Variants in SYBU observed in about 807,000 individuals in gnomAD.
SYBU encodes GOLSYN A protein.
SYBU carries 21 observed loss-of-function variants against 35.9 expected under a neutral mutation model. The observed-to-expected ratio is 0.58, with a 90% CI of 0.41 to 0.84. SYBU has a LOEUF of 0.84. SYBU is among the 40% of genes least tolerant of loss of function. The pLI is 0.00. For missense variants in SYBU, 768 were observed against 848.2 expected (o/e 0.91, Z 1.17); for synonymous variants, 319 against 324.3 (o/e 0.98, Z 0.18).
chr8:109,648,080 G>A (rs555374979), upstream of SYBU: 5 of 151,834 alleles, frequency 3.3e-5, no homozygotes, highest in Non-Finnish European at 5.9e-5. Context: ...TCTTTCCCCT[G>A]CTTTAAAATA....
intron 1 of SYBU, among the ~76,000 whole-genome samples, chr8:109,688,290 T>TA (rs1397875023): frequency 6.6e-6 from 1 of 152,202 alleles, no homozygotes; most frequent in Non-Finnish European, 1.5e-5. Flanking sequence ...TCAGAGATGA[T>TA]AAAAATTGTG....
upstream of SYBU, chr8:109,648,992 CTTTTTTTTTTTTTTTT>C (rs5893961): frequency 2.3e-5 from 2 of 85,202 alleles, no homozygotes; most frequent in African/African-American, 5.6e-5. Flanking sequence ...AACCCTCCTC[CTTTTTTTTTTTTTTTT>C]TTTTTTTTTT....
At chr8:109,653,167 T>G (rs1463908177) in intron 1 of SYBU, among the ~76,000 whole-genome samples, 2 of 152,234 alleles carry the variant, frequency 1.3e-5, no homozygotes, top group African/African-American at 4.8e-5. Flanking sequence ...CACTACATTA[T>G]GTATTCCTAG....
chr8:109,638,054 T>A (rs1216465301), intron 2 of SYBU, among the ~76,000 whole-genome samples: 1 of 152,206 alleles, frequency 6.6e-6, no homozygotes, highest in Admixed American at 6.5e-5. Flanking sequence ...TGTGTGCACA[T>A]TAGAAACATG....
At chr8:109,618,414 A>T (rs552137698) in intron 3 of SYBU, among the ~76,000 whole-genome samples, 18 of 152,200 alleles carry the variant, frequency 1.2e-4, no homozygotes, top group Non-Finnish European at 2.5e-4. Context: ...GCCCAGCTCT[A>T]CATATTTGCA....
upstream of SYBU, among the ~76,000 whole-genome samples, chr8:109,681,474 C>T (rs2130784162): frequency 6.6e-6 from 1 of 152,106 alleles, no homozygotes; most frequent in Middle Eastern, 3.4e-3. Flanking sequence ...TTTCATTGTA[C>T]AGAGGGAATG....
chr8:109,626,333 C>T (rs1321420032), intron 2 of SYBU, among the ~76,000 whole-genome samples: 1 of 152,086 alleles, frequency 6.6e-6, no homozygotes, highest in East Asian at 1.9e-4. Context: ...TTTGCCTGTA[C>T]TTTCTCCTAG....
intron 3 of SYBU, among the ~76,000 whole-genome samples, chr8:109,610,214 T>A (rs367958514): frequency 6.6e-6 from 1 of 152,150 alleles, no homozygotes; most frequent in African/African-American, 2.4e-5. Context: ...CTTGTCACCA[T>A]CTGAACTTAT....
chr8:109,671,308 ATAAGCTTCTTATTCAT>A lies in SYBU; in HGVS notation c.-129+9387_-129+9402del, dbSNP rs1468961057. On this transcript the variant is annotated intron_variant, in intron 1 of 5. Coordinates refer to the SYBU transcript ENST00000408889. ...GGAAGGCTATTTGAGTGCATATTTC[ATAAGCTTCTTATTCAT>A]TATTCATGCCATTAGAGATAGAAGG... Among the ~76,000 whole-genome samples, 606 of 152,228 alleles carry A rather than the reference ATAAGCTTCTTATTCAT, an allele frequency of 4.0e-3. 6 individuals carry two copies. The highest frequency in any genetic ancestry group is 0.014 in the African/African-American group (589 of 41,540).
chr8:109,623,034 C>A (rs943931388), intron 2 of SYBU, among the ~76,000 whole-genome samples: 3 of 79,164 alleles, frequency 3.8e-5, no homozygotes, highest in African/African-American at 1.8e-4. Flanking sequence ...CGCGCGCGCA[C>A]ACACACACAC....
At chr8:109,577,456 ATCC>A (rs1822466514) in intron 6 of SYBU, among the ~76,000 whole-genome samples, 1 of 151,974 alleles carries the variant, frequency 6.6e-6, no homozygotes, top group African/African-American at 2.4e-5. Flanking sequence ...GCACACAGAT[ATCC>A]ATTCATGCAC....
intron 1 of SYBU, among the ~76,000 whole-genome samples, chr8:109,654,997 T>C (rs1340458487): frequency 6.6e-6 from 1 of 152,218 alleles, no homozygotes; most frequent in African/African-American, 2.4e-5. Flanking sequence ...ATAGTCTCTT[T>C]AAAGTGCAGA....
intron 2 of SYBU, among the ~76,000 whole-genome samples, chr8:109,620,546 G>C (rs1812297798): frequency 6.6e-6 from 1 of 152,050 alleles, no homozygotes; most frequent in African/African-American, 2.4e-5. Context: ...AGTGAACTTG[G>C]CACTAATAAA....
chr8:109,640,866 A>T (rs1305220992), intron 2 of SYBU, among the ~76,000 whole-genome samples: 1 of 151,896 alleles, frequency 6.6e-6, no homozygotes, highest in Non-Finnish European at 1.5e-5. Context: ...TCCAACATAC[A>T]ACTTATGCAG....
At chr8:109,648,259 A>AATAATATATATAT (rs1351361961), upstream of SYBU, among the ~76,000 whole-genome samples, 1 of 129,748 alleles carries the variant, frequency 7.7e-6, no homozygotes, top group Admixed American at 7.2e-5. Flanking sequence ...ATATATATAC[A>AATAATATATATAT]ATAATATATA....
At chr8:109,576,173 G>A (rs578214727) in intron 6 of SYBU, among the ~76,000 whole-genome samples, 160 bp from the exon 7 acceptor site, 63 of 151,956 alleles carry the variant, frequency 4.1e-4, no homozygotes, top group Non-Finnish European at 7.2e-4. Context: ...TCAATGCAGG[G>A]AACTCAAGAG....
chr8:109,689,406 C>G (rs554725217), intron 1 of SYBU, among the ~76,000 whole-genome samples: 1 of 152,074 alleles, frequency 6.6e-6, no homozygotes. Context: ...ATCACAGCTC[C>G]CTGCACCCTG....
chr8:109,606,236 A>G (rs1454090700), intron 3 of SYBU, among the ~76,000 whole-genome samples: 1 of 152,200 alleles, frequency 6.6e-6, no homozygotes, highest in Non-Finnish European at 1.5e-5. Context: ...AGAATTGTTC[A>G]AGCTATTAGC....
At chr8:109,645,488 C>G (rs898159894), upstream of SYBU, 6 of 367,080 alleles carry the variant, frequency 1.6e-5, no homozygotes, top group South Asian at 4.0e-5. Flanking sequence ...TGCAGCTGCC[C>G]GGCTCCAGGA....
Sources: gnomAD v4.1 joint callset for allele counts (sites outside exome capture counted in the v4.1 genomes callset) on GRCh38, gnomAD v4.1.1 for gene constraint, MANE v1.5 for transcripts, NCBI Gene and HGNC (gene_info 2026-07-23, HGNC 2026-07-21) for gene names.